Variants in DLGAP1 observed in about 807,000 individuals in gnomAD.
DLGAP1 encodes the protein DLG associated protein 1, also known as disks large-associated protein 1.
DLGAP1 carries 11 observed loss-of-function variants against 90.8 expected under a neutral mutation model. That is an observed-to-expected ratio of 0.12 (90% confidence interval 0.08 to 0.20). The LOEUF (loss-of-function observed/expected upper bound fraction) is 0.20. Ranked by LOEUF, DLGAP1 falls within the 10% of genes least tolerant of loss-of-function variation. The pLI, the probability that DLGAP1 is intolerant of heterozygous loss-of-function variation, is 1.00. For missense variants in DLGAP1, 1,050 were observed against 1,333.8 expected (o/e 0.79, Z 3.31); for synonymous variants, 558 against 540.7 (o/e 1.03, Z -0.44).
intron 5 of DLGAP1, among the ~76,000 whole-genome samples, chr18:3,794,123 C>T (rs997712956): frequency 5.3e-5 from 8 of 152,166 alleles, no homozygotes; most frequent in Non-Finnish European, 8.8e-5. Flanking sequence ...TAACTCTGCA[C>T]GTCTCCTCCC....
rs115105968 is a variant in DLGAP1 at position 3,715,071 on chromosome 18, A to G, written c.1591+14064T>C. Among the ~76,000 whole-genome samples, 1,464 of 152,334 alleles carry G rather than the reference A, an allele frequency of 9.6e-3. 30 individuals carry two copies. The highest frequency in any genetic ancestry group is 0.034 in the African/African-American group (1,409 of 41,578). On this transcript the variant is annotated intron_variant, in intron 7 of 12. Transcript: ENST00000315677. The stretch of plus-strand genomic sequence containing the variant: ...TACCAGCCTTTGGTACTCTTGTCCA[A>G]GGCAGTGTAACCATATGAATGGAAG...
rs573729623 is a variant in DLGAP1, at chr18:4,018,598, T to C, written c.-158-13397A>G. On this transcript the variant is annotated intron_variant, in intron 2 of 12. Coordinates refer to ENST00000315677, the MANE Select transcript of DLGAP1 (RefSeq NM_004746.4). Reference sequence around the variant, plus strand: ...ATGAGTACTTCCCATGTAACCTGCATATAAAGGACATTTAACAAATATTTG... The same window carrying C: ...ATGAGTACTTCCCATGTAACCTGCACATAAAGGACATTTAACAAATATTTG... 7.2e-5 allele frequency among the ~76,000 whole-genome samples: 11 copies of C among 152,338 alleles called. No individual in the cohort carries two copies. The South Asian group carries it at 1.7e-3, about 23-fold the overall frequency.
intron 7 of DLGAP1, among the ~76,000 whole-genome samples, chr18:3,644,618 G>A (rs1038418035): frequency 9.9e-5 from 15 of 151,968 alleles, no homozygotes; most frequent in Admixed American, 5.2e-4. Context: ...GCACCATGTC[G>A]GCCAGGCTGG....
At chr18:4,204,760 A>G (rs2077686236) in intron 1 of DLGAP1, among the ~76,000 whole-genome samples, 1 of 152,218 alleles carries the variant, frequency 6.6e-6, no homozygotes, top group Non-Finnish European at 1.5e-5. Flanking sequence ...TAGAATTGTA[A>G]AGGGACATGT....
intron 5 of DLGAP1, among the ~76,000 whole-genome samples, chr18:3,784,761 A>C (rs1222336083): frequency 6.6e-6 from 1 of 152,218 alleles, no homozygotes; most frequent in African/African-American, 2.4e-5. Context: ...TATTTTGTTA[A>C]AAACTGTATT....
chr18:3,966,584 G>A (rs1057282816), intron 3 of DLGAP1, among the ~76,000 whole-genome samples: 3 of 152,140 alleles, frequency 2.0e-5, no homozygotes, highest in African/African-American at 7.2e-5. Flanking sequence ...ACTGATCAAA[G>A]GGGTTTTGGA....
chr18:3,663,044 G>A (rs2059741325), intron 7 of DLGAP1, among the ~76,000 whole-genome samples: 1 of 152,064 alleles, frequency 6.6e-6, no homozygotes, highest in Non-Finnish European at 1.5e-5. Context: ...GGCCAAGATG[G>A]GTGGATATTC....
At chr18:3,811,127 A>G (rs1425657394) in intron 5 of DLGAP1, among the ~76,000 whole-genome samples, 1 of 152,214 alleles carries the variant, frequency 6.6e-6, no homozygotes, top group Non-Finnish European at 1.5e-5. Context: ...ACTAGAGGTC[A>G]CTAACAATTG....
intron 9 of DLGAP1, among the ~76,000 whole-genome samples, chr18:3,546,738 T>A (rs1465394275): frequency 6.6e-6 from 1 of 152,084 alleles, no homozygotes; most frequent in Admixed American, 6.6e-5. Context: ...AGGATATAGT[T>A]AAAGCAGTAG....
At chr18:4,011,175 C>CAAA (rs35493947) in intron 2 of DLGAP1, among the ~76,000 whole-genome samples, 8 of 97,196 alleles carry the variant, frequency 8.2e-5, no homozygotes, top group Non-Finnish European at 1.0e-4. Flanking sequence ...GATTCCGCCT[C>CAAA]AAAAAAAAAA....
chr18:3,689,890 G>C (rs1390362161), intron 7 of DLGAP1, among the ~76,000 whole-genome samples: 1 of 152,028 alleles, frequency 6.6e-6, no homozygotes, highest in Non-Finnish European at 1.5e-5. Context: ...TTTCTTAAGA[G>C]GTTTACAACC....
chr18:3,655,385 G>A (rs1327019767), intron 7 of DLGAP1: 3 of 152,188 alleles, frequency 2.0e-5, no homozygotes, highest in Non-Finnish European at 4.4e-5. Flanking sequence ...AATCATTTCA[G>A]AAAATGAAGT....
chr18:4,335,511 T>A (rs1171873731), intron 1 of DLGAP1, among the ~76,000 whole-genome samples: 2 of 151,384 alleles, frequency 1.3e-5, no homozygotes, highest in Non-Finnish European at 2.9e-5. Context: ...AATTTTTAGG[T>A]TGACCGGTCA....
intron 2 of DLGAP1, among the ~76,000 whole-genome samples, chr18:4,049,465 G>C (rs1028344188): frequency 6.6e-6 from 1 of 152,024 alleles, no homozygotes; most frequent in African/African-American, 2.4e-5. Flanking sequence ...CTCCTTAACT[G>C]CTTGCCCAAG....
chr18:3,814,504 G>C (rs1042233194), intron 4 of DLGAP1, among the ~76,000 whole-genome samples: 2 of 151,746 alleles, frequency 1.3e-5, no homozygotes, highest in South Asian at 2.1e-4. Context: ...TGGGACTACA[G>C]GCACCTGCCA....
At chr18:4,264,381 A>G (rs1259315019) in intron 1 of DLGAP1, among the ~76,000 whole-genome samples, 2 of 152,208 alleles carry the variant, frequency 1.3e-5, no homozygotes, top group Admixed American at 1.3e-4. Context: ...ACAAAGTTCA[A>G]TGTCATTGTT....
intron 2 of DLGAP1, among the ~76,000 whole-genome samples, chr18:4,038,274 C>T (rs2074921246): frequency 5.9e-5 from 9 of 152,208 alleles, no homozygotes; most frequent in Admixed American, 5.9e-4. Context: ...CCTATTGTTT[C>T]ATGCCATTCT....
chr18:3,844,621 A>C (rs1392133985), intron 4 of DLGAP1, among the ~76,000 whole-genome samples: 3 of 152,224 alleles, frequency 2.0e-5, no homozygotes, highest in Non-Finnish European at 4.4e-5. Context: ...CATTGCCGCC[A>C]TGGTGAATCA....
chr18:3,529,850 A>C (rs1348337472), intron 10 of DLGAP1, among the ~76,000 whole-genome samples: 1 of 152,258 alleles, frequency 6.6e-6, no homozygotes, highest in Non-Finnish European at 1.5e-5. Flanking sequence ...ACATTTCAAA[A>C]TACAAATACG....
Sources: gnomAD v4.1 joint callset for allele counts (sites outside exome capture counted in the v4.1 genomes callset) on GRCh38, gnomAD v4.1.1 for gene constraint, MANE v1.5 for transcripts, NCBI Gene and HGNC (gene_info 2026-07-23, HGNC 2026-07-21) for gene names.